Variants in MLXIPL observed in about 807,000 individuals in gnomAD.
MLXIPL encodes the protein MLX interacting protein like.
Under a neutral mutation model 81.5 loss-of-function variants are expected in MLXIPL, and 49 were observed. The ratio of observed to expected loss-of-function variants is 0.60; its 90% confidence interval spans 0.48 to 0.76. The LOEUF is 0.76. Among genes scored for constraint, MLXIPL ranks in the 30% least tolerant of loss-of-function variants. The pLI is 0.00. For synonymous variants in MLXIPL, 466 were observed against 485.5 expected (o/e 0.96, Z 0.53); for missense variants, 1,053 against 1,167.0 (o/e 0.90, Z 1.42).
At chr7:73,607,187 G>A in intron 4 of MLXIPL, 144 bp downstream of exon 4, 1 of 1,244,828 alleles carries the variant, frequency 8.0e-7, no homozygotes, top group Non-Finnish European at 1.1e-6. Flanking sequence ...ACACGGTGGC[G>A]CTGTCGGCCC....
In MLXIPL at chr7:73,597,296, C is replaced by T. The variant is rs369598943; in HGVS notation, c.1489G>A (p.Ala497Thr). 4.6e-5 allele frequency: 67 copies of T among 1,472,392 alleles called. No individual in the cohort carries two copies. Among genetic ancestry groups the T allele is most frequent in the Middle Eastern group, 2.4e-4 (1 of 4,112 alleles). 91.2% of individuals were successfully genotyped at this position (1,472,392 alleles called of 1,614,324 possible). A position where few individuals can be genotyped will look rare whatever the true frequency, so the allele number is the denominator to read the frequency against. ...GCTTTCTGTCCCCTAGGGGATGGGGCGGGGGGCTTGCCTCTGGGCATGGAG... is the reference window on the plus strand; with the variant it reads ...GCTTTCTGTCCCCTAGGGGATGGGGTGGGGGGCTTGCCTCTGGGCATGGAG... ...CFSMPRGKPP[A>T]PSPRGQKASP... The change falls in exon 9 of 17, where the codon GCC becomes ACC. Residue 497 changes from alanine to threonine, a missense_variant. By Grantham distance (58) the Ala-to-Thr change is moderately conservative. Transcript: ENST00000313375.
intron 7 of MLXIPL, 138 bp downstream of exon 7, chr7:73,605,550 T>A: frequency 2.7e-6 from 2 of 745,864 alleles, no homozygotes; most frequent in African/African-American, 1.8e-5. Context: ...CATCTCAAAA[T>A]AAATAAATAA....
the MLXIPL span, among the ~76,000 whole-genome samples, chr7:73,642,322 G>A: frequency 6.6e-6 from 1 of 151,866 alleles, no homozygotes; most frequent in East Asian, 1.9e-4. Flanking sequence ...CCAACATTTA[G>A]GGGTTTTTAA....
intron 15 of MLXIPL, among the ~76,000 whole-genome samples, chr7:73,595,225 C>T (rs1554593229): frequency 1.3e-5 from 2 of 152,140 alleles, no homozygotes; most frequent in African/African-American, 4.8e-5. Flanking sequence ...CTCCACGGCC[C>T]TTACTGTGTG....
chr7:73,641,262 A>G, the MLXIPL span, among the ~76,000 whole-genome samples: 4 of 151,954 alleles, frequency 2.6e-5, no homozygotes, highest in African/African-American at 9.6e-5. Context: ...AACAAAACAA[A>G]ACCCTATAAG....
the MLXIPL span, among the ~76,000 whole-genome samples, chr7:73,634,646 C>T: frequency 1.3e-5 from 2 of 151,914 alleles, no homozygotes; most frequent in Admixed American, 6.6e-5. Context: ...CCTGCTGCCT[C>T]GGCCTCCCAA....
upstream of MLXIPL, among the ~76,000 whole-genome samples, chr7:73,626,692 A>G (rs938042916): frequency 1.1e-4 from 17 of 152,112 alleles, no homozygotes; most frequent in Non-Finnish European, 2.5e-4. Flanking sequence ...ACACCCAAGC[A>G]TCTCTGAGGG....
chr7:73,596,746 G>A lies in MLXIPL; in HGVS notation c.1715C>T (p.Thr572Ile), dbSNP rs199616981. 6.3e-7 allele frequency: 1 copy of A among 1,597,852 alleles called. No individual in the cohort carries two copies. Among genetic ancestry groups the A allele is most frequent in the South Asian group, 1.1e-5 (1 of 88,930 alleles). ...TGGCCGGGGCGGTGTAGGGGCCGGG[G>A]TCGGGGGAAGGAATGTGCAGGGGAA... is the stretch of plus-strand genomic sequence containing the variant. ...PEFPCTFLPP[T>I]PAPTPPRPPP... Residue 572 changes from threonine (T) to isoleucine (I), a missense_variant, in exon 11 of 17, where the codon ACC becomes ATC. Physicochemically the swap from Thr to Ile is moderately conservative, Grantham distance 89. Transcript: ENST00000313375. The surrounding 1 kb of genome is among the most constrained non-coding windows in gnomAD (Gnocchi z 4.7).
chr7:73,641,659 C>T, the MLXIPL span, among the ~76,000 whole-genome samples: 7 of 152,120 alleles, frequency 4.6e-5, no homozygotes, highest in Non-Finnish European at 7.3e-5. Context: ...GATGGAGCCT[C>T]GCTCTGTCAC....
chr7:73,624,153 A>ACC, intron 1 of MLXIPL, 47 bp downstream of exon 1: 1 of 492,160 alleles, frequency 2.0e-6, no homozygotes. Flanking sequence ...CCCCCCCCCC[A>ACC]TCCCCACCTG....
chr7:73,639,780 C>T, the MLXIPL span, among the ~76,000 whole-genome samples: 4 of 152,130 alleles, frequency 2.6e-5, no homozygotes, highest in African/African-American at 7.2e-5. Flanking sequence ...AGTTATGGGC[C>T]GGGCGCAGTG....
the MLXIPL span, among the ~76,000 whole-genome samples, chr7:73,643,383 G>A: frequency 6.6e-6 from 1 of 152,062 alleles, no homozygotes; most frequent in African/African-American, 2.4e-5. Flanking sequence ...GCATGGTGGC[G>A]GGTGCCTGTA....
chr7:73,593,979 G>C lies in MLXIPL; in HGVS notation c.2445C>G (p.Val815=). 1 of 1,613,422 alleles carries C rather than the reference G, an allele frequency of 6.2e-7. No homozygotes were observed. Among genetic ancestry groups the C allele is most frequent in the South Asian group, 1.1e-5 (1 of 91,042 alleles). ...YCSLPALRPT[V]LNSLRQLGTS... The stretch of plus-strand genomic sequence containing the variant: ...TGCCCAGCTGGCGTAGGGAGTTCAG[G>C]ACAGCTGGGTGGGAGACAGAGAGAG... The change falls in exon 17 of 17, where the codon GTC becomes GTG. Residue 815 remains valine, a synonymous_variant. Coordinates refer to ENST00000313375, the MANE Select transcript of MLXIPL (RefSeq NM_032951.3).
intron 2 of MLXIPL, among the ~76,000 whole-genome samples, chr7:73,614,556 C>T (rs79358117): frequency 0.018 from 2,756 of 152,280 alleles, 87 homozygotes; most frequent in African/African-American, 0.064. Context: ...GCATTCCCAG[C>T]TCAGTGCAGC....
At chr7:73,629,656 T>A in the MLXIPL span, among the ~76,000 whole-genome samples, 1 of 152,176 alleles carries the variant, frequency 6.6e-6, no homozygotes, top group Non-Finnish European at 1.5e-5. Flanking sequence ...GCTCAGGAGT[T>A]GGAGGCTGCA....
intron 7 of MLXIPL, among the ~76,000 whole-genome samples, chr7:73,601,070 C>A (rs531905625): frequency 6.6e-6 from 1 of 151,864 alleles, no homozygotes. Context: ...CCTCCCACCC[C>A]CCTGCCAGGA....
chr7:73,606,324 C>A (rs1345988993), intron 5 of MLXIPL: 4 of 606,980 alleles, frequency 6.6e-6, no homozygotes, highest in Non-Finnish European at 1.2e-5. Context: ...GACCAGGATG[C>A]AGATACAGGG....
Position 73,597,690 on chromosome 7 carries a change from G to A in MLXIPL, c.1095C>T (p.Pro365=). The A allele has an allele frequency of 7.3e-7, 1 of 1,369,794 alleles. No homozygotes were observed. The highest frequency in any genetic ancestry group is 9.4e-7 in the Non-Finnish European group (1 of 1,065,778). 84.9% of individuals were successfully genotyped at this position (1,369,794 alleles called of 1,614,324 possible). A position where few individuals can be genotyped will look rare whatever the true frequency, so the allele number is the denominator to read the frequency against. Residue 365 remains proline (P), a synonymous_variant, in exon 9 of 17, where the codon CCC becomes CCT. Transcript: ENST00000313375. ...AACTCAGGAAGGCGCTGGAGTCCAA[G>A]GGGCCAGGGCAGCTGTTCCGAGCCT... is the stretch of plus-strand genomic sequence containing the variant. ...RLQARNSCPG[P]LDSSAFLSSD...
intron 2 of MLXIPL, among the ~76,000 whole-genome samples, chr7:73,612,288 T>C (rs1480181518): frequency 6.7e-6 from 1 of 150,210 alleles, no homozygotes; most frequent in Non-Finnish European, 1.5e-5. Context: ...CTATGTTGGC[T>C]CCACTGCACT....
Sources: allele counts gnomAD v4.1 joint callset (sites outside exome capture counted in the v4.1 genomes callset), GRCh38; gene constraint gnomAD v4.1.1; non-coding constraint Gnocchi (gnomAD v3.1); transcripts MANE v1.5; gene names NCBI Gene and HGNC (gene_info 2026-07-23, HGNC 2026-07-21).